The following LRP1B variants were observed in gnomAD, a reference collection of about 807,000 sequenced individuals.
LRP1B encodes the protein low-density lipoprotein receptor-related protein 1B.
A neutral mutation model predicts 556.6 loss-of-function variants in LRP1B; 217 were observed. The observed-to-expected ratio is 0.39, with a 90% CI of 0.35 to 0.44. LRP1B has a LOEUF of 0.44. Among genes scored for constraint, LRP1B ranks in the 20% least tolerant of loss-of-function variants. LRP1B has a pLI of 1.00. For missense variants in LRP1B, 5,053 were observed against 5,620.8 expected, an observed-to-expected ratio of 0.90 and a Z score of 3.23; for synonymous variants, 2,047 against 1,865.8, an observed-to-expected ratio of 1.10 and a Z score of -2.50.
intron 7 of LRP1B, among the ~76,000 whole-genome samples, chr2:141,133,190 C>T (rs1317225243): frequency 1.3e-5 from 2 of 151,632 alleles, no homozygotes; most frequent in Non-Finnish European, 2.9e-5. Context: ...ACAGAAAAAC[C>T]TATTTTTTCA....
At chr2:141,446,778 C>A (rs1035682409) in intron 3 of LRP1B, among the ~76,000 whole-genome samples, 8 of 152,048 alleles carry the variant, frequency 5.3e-5, no homozygotes, top group Admixed American at 2.6e-4. Flanking sequence ...CGGAGAGAGA[C>A]CCACTCTTAG....
At chr2:140,728,184 G>C (rs1350112861) in intron 35 of LRP1B, among the ~76,000 whole-genome samples, 2 of 151,840 alleles carry the variant, frequency 1.3e-5, no homozygotes, top group African/African-American at 2.4e-5. Flanking sequence ...TTCTGGTTTT[G>C]AACTCTTTCC....
chr2:140,749,351 T>A (rs1215779543), intron 35 of LRP1B, among the ~76,000 whole-genome samples: 2 of 146,710 alleles, frequency 1.4e-5, no homozygotes, highest in Non-Finnish European at 1.5e-5. Flanking sequence ...TTGCTGTAAC[T>A]TTTTTCCTTT....
rs201335078 is a variant in LRP1B, at chr2:140,790,519, G to GCAGCT, written c.5360-14282_5360-14281insAGCTG. Among the ~76,000 whole-genome samples the GCAGCT allele has an allele frequency of 6.1e-3, 934 of 152,248 alleles. 13 individuals are homozygous for GCAGCT. Among genetic ancestry groups the GCAGCT allele is most frequent in the African/African-American group, 0.021 (880 of 41,534 alleles). Reference sequence around the variant, plus strand: ...CTCACTTTTTCCTCAAGTACCAATAGCACTTTGAGCTGCTGACATTGAGTT... The same window carrying GCAGCT: ...CTCACTTTTTCCTCAAGTACCAATAGCAGCTCACTTTGAGCTGCTGACATTGAGTT... On this transcript the variant is annotated intron_variant, in intron 32 of 90. Transcript: ENST00000389484.
At chr2:140,579,374 G>A (rs964019009) in intron 43 of LRP1B, among the ~76,000 whole-genome samples, 3 of 151,828 alleles carry the variant, frequency 2.0e-5, no homozygotes, top group African/African-American at 7.3e-5. Flanking sequence ...TCCCCCATCA[G>A]GACCAAATGA....
chr2:141,920,323 A>G (rs1008573100), intron 1 of LRP1B, among the ~76,000 whole-genome samples: 3 of 151,530 alleles, frequency 2.0e-5, no homozygotes, highest in African/African-American at 7.3e-5. Context: ...AACTTTAATA[A>G]CAGTCATTAA....
chr2:140,377,762 C>G lies in LRP1B; in HGVS notation c.10638+418G>C, dbSNP rs571672733. 2.0e-5 allele frequency among the ~76,000 whole-genome samples: 3 copies of G among 152,138 alleles called. No individual in the cohort carries two copies. The East Asian group carries it at 5.8e-4, about 29-fold the overall frequency. ...TGTGGTTTCATAAAAATTGATGACC[C>G]ACATCGATGTCTGTAAGACTATATC... On this transcript the variant is annotated intron_variant, in intron 68 of 90. Transcript: ENST00000389484.
At chr2:141,848,310 T>A (rs1034867006) in intron 1 of LRP1B, among the ~76,000 whole-genome samples, 2 of 151,280 alleles carry the variant, frequency 1.3e-5, no homozygotes, top group Non-Finnish European at 3.0e-5. Flanking sequence ...AGAGACTGAG[T>A]GAGAGTGAAG....
chr2:140,352,972 A>C lies in LRP1B; in HGVS notation c.11631T>G (p.Asn3877Lys), dbSNP rs1259352643. 1 of 1,612,412 alleles carries C rather than the reference A, an allele frequency of 6.2e-7. No individual in the cohort carries two copies. The highest frequency in any genetic ancestry group is 1.7e-5 in the Admixed American group (1 of 59,916). Residue 3877 changes from asparagine to lysine, a missense_variant, in exon 76 of 91, where the codon AAT becomes AAG. Coordinates refer to ENST00000389484, the MANE Select transcript of LRP1B (RefSeq NM_018557.3). Reference sequence around the variant, plus strand: ...TCTTACCTTCTGCTATGCAGGTGTTATTTCTTTCTTGAAAATTCTGGTCAC... The same window carrying C: ...TCTTACCTTCTGCTATGCAGGTGTTCTTTCTTTCTTGAAAATTCTGGTCAC... ...CVCDQNFQER[N>K]NTCIAEGSED...
intron 1 of LRP1B, among the ~76,000 whole-genome samples, chr2:142,072,719 A>G (rs554038383): frequency 1.3e-5 from 2 of 151,942 alleles, no homozygotes; most frequent in Non-Finnish European, 2.9e-5. Context: ...AAATGATTAC[A>G]CTATGCGCTC....
chr2:140,779,358 G>T (rs1013477953), intron 32 of LRP1B, among the ~76,000 whole-genome samples: 2 of 152,110 alleles, frequency 1.3e-5, no homozygotes, highest in Non-Finnish European at 2.9e-5. Flanking sequence ...ATTCTTAGGG[G>T]AAATTACAAT....
chr2:140,869,417 A>C (rs1693055892), intron 25 of LRP1B, among the ~76,000 whole-genome samples: 1 of 152,150 alleles, frequency 6.6e-6, no homozygotes, highest in Non-Finnish European at 1.5e-5. Context: ...GGAATAAAAA[A>C]CCCACAACAA....
At chr2:142,034,356 T>C (rs1472190811) in intron 1 of LRP1B, among the ~76,000 whole-genome samples, 1 of 151,772 alleles carries the variant, frequency 6.6e-6, no homozygotes, top group Non-Finnish European at 1.5e-5. Context: ...TCTACACATA[T>C]TCACATGTAT....
intron 66 of LRP1B, among the ~76,000 whole-genome samples, chr2:140,422,562 T>C (rs1685490694): frequency 6.6e-6 from 1 of 151,854 alleles, no homozygotes; most frequent in Admixed American, 6.6e-5. Flanking sequence ...TGAAACAAAA[T>C]GGAATAATTT....
intron 1 of LRP1B, among the ~76,000 whole-genome samples, chr2:142,069,497 T>TCCATC (rs10669903): frequency 2.0e-5 from 3 of 151,438 alleles, no homozygotes; most frequent in Non-Finnish European, 4.4e-5. Flanking sequence ...CTCCCCCACC[T>TCCATC]CTGAACCATA....
chr2:141,586,831 A>G (rs1687153208), intron 2 of LRP1B, among the ~76,000 whole-genome samples: 1 of 151,750 alleles, frequency 6.6e-6, no homozygotes, highest in African/African-American at 2.4e-5. Flanking sequence ...AGTCCCAGCT[A>G]CTTGGGAGGC....
At chr2:142,098,888 G>C (rs1706472236) in intron 1 of LRP1B, among the ~76,000 whole-genome samples, 1 of 151,770 alleles carries the variant, frequency 6.6e-6, no homozygotes, top group African/African-American at 2.4e-5. Context: ...ATTTTCAAAA[G>C]ACACAATTTC....
intron 1 of LRP1B, among the ~76,000 whole-genome samples, chr2:141,995,598 A>G (rs1413074287): frequency 1.3e-5 from 2 of 152,150 alleles, no homozygotes; most frequent in African/African-American, 4.8e-5. Context: ...CATTTTCAGG[A>G]GGCCATTACT....
chr2:141,384,087 A>G (rs1689742046), intron 3 of LRP1B, among the ~76,000 whole-genome samples: 1 of 152,214 alleles, frequency 6.6e-6, no homozygotes, highest in Admixed American at 6.5e-5. Flanking sequence ...ATGTCATCAT[A>G]CTGTATACCT....
Sources: gnomAD v4.1 joint callset for allele counts (sites outside exome capture counted in the v4.1 genomes callset) on GRCh38, gnomAD v4.1.1 for gene constraint, MANE v1.5 for transcripts, NCBI Gene and HGNC (gene_info 2026-07-23, HGNC 2026-07-21) for gene names.